The following NXPE2 variants were observed in gnomAD, a reference collection of about 807,000 sequenced individuals.
NXPE2 encodes NXPE family member 2.
In NXPE2, 34 loss-of-function variants were observed where a neutral mutation model predicts 34.4. The ratio of observed to expected loss-of-function variants is 0.99; its 90% CI spans 0.75 to 1.31. NXPE2 has a LOEUF of 1.31. Ranked by LOEUF, NXPE2 falls within the 40% of genes most tolerant of loss-of-function variation. The pLI is 0.00. For missense variants in NXPE2, 649 were observed against 672.5 expected (o/e 0.97, Z 0.39); for synonymous variants, 235 against 231.3 (o/e 1.02, Z -0.15).
chr11:114,735,084 T>C, the NXPE2 span, among the ~76,000 whole-genome samples: 1 of 152,134 alleles, frequency 6.6e-6, no homozygotes, highest in Non-Finnish European at 1.5e-5. Context: ...CACTCTAGCC[T>C]GGGCAACAGA....
At chr11:114,514,999 CT>C in the NXPE2 span, among the ~76,000 whole-genome samples, 1 of 151,968 alleles carries the variant, frequency 6.6e-6, no homozygotes, top group Non-Finnish European at 1.5e-5. Flanking sequence ...CCTTCACCAA[CT>C]TTTTTTATTT....
chr11:114,567,947 A>G, the NXPE2 span, among the ~76,000 whole-genome samples: 1 of 152,144 alleles, frequency 6.6e-6, no homozygotes, highest in Admixed American at 6.5e-5. Context: ...TGTTGGAAGA[A>G]CAACTTGTAC....
At chr11:114,681,526 C>A (rs1226602444) in intron 2 of NXPE2, among the ~76,000 whole-genome samples, 1 of 152,072 alleles carries the variant, frequency 6.6e-6, no homozygotes, top group Non-Finnish European at 1.5e-5. Context: ...CTTTTTCTTC[C>A]CTTTCTCCAG....
chr11:114,582,199 T>C, the NXPE2 span: 1 of 1,400,028 alleles, frequency 7.1e-7, no homozygotes. Context: ...CACCCAAAAT[T>C]AATACACTCA....
chr11:114,622,602 C>T, the NXPE2 span, among the ~76,000 whole-genome samples: 1 of 151,722 alleles, frequency 6.6e-6, no homozygotes, highest in Non-Finnish European at 1.5e-5. Flanking sequence ...AGCATTACCT[C>T]GTGGGTAAAC....
At chr11:114,585,187 C>T in the NXPE2 span, among the ~76,000 whole-genome samples, 1 of 151,700 alleles carries the variant, frequency 6.6e-6, no homozygotes, top group South Asian at 2.1e-4. Context: ...CTGTCTTCCC[C>T]CAGTTCTGCA....
At chr11:114,573,494 C>A in the NXPE2 span, among the ~76,000 whole-genome samples, 4 of 151,882 alleles carry the variant, frequency 2.6e-5, no homozygotes, top group Non-Finnish European at 5.9e-5. Context: ...TAAGAACTCA[C>A]ATAAACTTAA....
At chr11:114,723,751 C>T in the NXPE2 span, among the ~76,000 whole-genome samples, 6 of 152,136 alleles carry the variant, frequency 3.9e-5, no homozygotes, top group East Asian at 1.2e-3. Flanking sequence ...ATGATCCTGG[C>T]AACTAGTGCA....
At chr11:114,787,818 G>T in the NXPE2 span, among the ~76,000 whole-genome samples, 4 of 152,196 alleles carry the variant, frequency 2.6e-5, no homozygotes, top group South Asian at 8.3e-4. Context: ...CCTCAACTCT[G>T]CCCATCCCTC....
At chr11:114,532,952 G>A in the NXPE2 span, among the ~76,000 whole-genome samples, 50,274 of 151,928 alleles carry the variant, frequency 0.33, 8,770 homozygotes, top group East Asian at 0.66. Flanking sequence ...AAAAGGATTT[G>A]ATGTATTTCA....
chr11:114,535,459 A>G, the NXPE2 span, among the ~76,000 whole-genome samples: 1 of 152,188 alleles, frequency 6.6e-6, no homozygotes, highest in African/African-American at 2.4e-5. Context: ...AATGCGCTAA[A>G]TTGCTCCAAT....
the NXPE2 span, among the ~76,000 whole-genome samples, chr11:114,801,178 TAAAGAAAAAAGGA>T: frequency 6.6e-6 from 1 of 151,894 alleles, no homozygotes; most frequent in Admixed American, 6.6e-5. Flanking sequence ...AGAGAAAATA[TAAAGAAAAAAGGA>T]AAAGAGAATA....
the NXPE2 span, among the ~76,000 whole-genome samples, chr11:114,729,341 T>C: frequency 6.6e-6 from 1 of 152,160 alleles, no homozygotes; most frequent in Non-Finnish European, 1.5e-5. Context: ...TCCATGTCTT[T>C]GCTATTGTGA....
the NXPE2 span, among the ~76,000 whole-genome samples, chr11:114,772,316 CTGAT>C: frequency 6.6e-6 from 1 of 152,020 alleles, no homozygotes; most frequent in Non-Finnish European, 1.5e-5. Context: ...AGTACAGACT[CTGAT>C]TGGAGCTTCC....
the NXPE2 span, among the ~76,000 whole-genome samples, chr11:114,763,159 A>G: frequency 6.6e-6 from 1 of 152,192 alleles, no homozygotes; most frequent in Admixed American, 6.5e-5. Flanking sequence ...AAATAAAATT[A>G]TGGGGCAAGA....
At chr11:114,637,749 C>T in the NXPE2 span, among the ~76,000 whole-genome samples, 1 of 151,548 alleles carries the variant, frequency 6.6e-6, no homozygotes, top group Non-Finnish European at 1.5e-5. Flanking sequence ...ATATGAAATT[C>T]TGGGTTGAAA....
the NXPE2 span, among the ~76,000 whole-genome samples, chr11:114,803,464 C>G: frequency 2.0e-5 from 3 of 152,156 alleles, no homozygotes; most frequent in Non-Finnish European, 2.9e-5. Context: ...GGCTGAGAAG[C>G]CTGAGACCAA....
At chr11:114,502,997 G>C in the NXPE2 span, among the ~76,000 whole-genome samples, 1 of 152,132 alleles carries the variant, frequency 6.6e-6, no homozygotes, top group Non-Finnish European at 1.5e-5. Context: ...AAGTCTCCCA[G>C]ATAAAGTGGT....
At chr11:114,674,716 G>C (rs561664761), upstream of NXPE2, among the ~76,000 whole-genome samples, 2 of 151,612 alleles carry the variant, frequency 1.3e-5, no homozygotes, top group Non-Finnish European at 3.0e-5. Flanking sequence ...ATGAATTCTA[G>C]TAAACATTAA....
Sources: allele counts gnomAD v4.1 joint callset (sites outside exome capture counted in the v4.1 genomes callset), GRCh38; gene constraint gnomAD v4.1.1; transcripts MANE v1.5; gene names NCBI Gene and HGNC (gene_info 2026-07-23, HGNC 2026-07-21).